The following CACNA1C variants were observed in gnomAD, a reference collection of about 807,000 sequenced individuals.
CACNA1C encodes the protein calcium voltage-gated channel subunit alpha1 C.
CACNA1C carries 30 observed loss-of-function variants against 229.0 expected under a neutral mutation model. The ratio of observed to expected loss-of-function variants is 0.13; its 90% CI spans 0.10 to 0.18. The LOEUF is 0.18. Ranked by LOEUF, CACNA1C falls within the 10% of genes least tolerant of loss-of-function variation. The pLI, the probability that CACNA1C is intolerant of heterozygous loss-of-function variation, is 1.00. For synonymous variants in CACNA1C, 1,114 were observed against 1,132.5 expected (o/e 0.98, Z 0.33); for missense variants, 1,658 against 2,845.0 (o/e 0.58, Z 9.49).
intron 3 of CACNA1C, among the ~76,000 whole-genome samples, chr12:2,361,180 AAAG>A (rs1038250160): frequency 1.3e-5 from 2 of 152,082 alleles, no homozygotes; most frequent in African/African-American, 4.8e-5. Context: ...AAAAAAAAAA[AAAG>A]CTCCAATATC....
At chr12:2,081,394 C>T (rs926439118) in intron 1 of CACNA1C, among the ~76,000 whole-genome samples, 1 of 152,114 alleles carries the variant, frequency 6.6e-6, no homozygotes, top group African/African-American at 2.4e-5. Flanking sequence ...CACAGTGAAA[C>T]CCCGTCTCTA....
chr12:2,663,602 A>C (rs1462773279), intron 34 of CACNA1C, among the ~76,000 whole-genome samples: 4 of 152,194 alleles, frequency 2.6e-5, no homozygotes, highest in Non-Finnish European at 4.4e-5. Context: ...GGTAGGGATC[A>C]AAGACGACTG....
intron 1 of CACNA1C, among the ~76,000 whole-genome samples, chr12:2,011,838 C>A (rs1011405982): frequency 6.6e-6 from 1 of 152,192 alleles, no homozygotes; most frequent in African/African-American, 2.4e-5. Context: ...CCCTTGCCAT[C>A]CTGTAGGTGG....
chr12:1,992,907 T>C, intron 1 of CACNA1C: 1 of 528,812 alleles, frequency 1.9e-6, no homozygotes, highest in South Asian at 2.9e-5. Context: ...ACTCGTTAAT[T>C]CTTCGTTCAG....
intron 26 of CACNA1C, 153 bp downstream of exon 26, chr12:2,607,283 C>T: frequency 1.4e-6 from 1 of 704,144 alleles, no homozygotes; most frequent in Non-Finnish European, 2.3e-6. Flanking sequence ...ATTTCTAGAA[C>T]TTACAGTCCA....
intron 1 of CACNA1C, among the ~76,000 whole-genome samples, chr12:2,089,822 C>T (rs896209263): frequency 5.3e-5 from 8 of 152,016 alleles, no homozygotes; most frequent in South Asian, 2.1e-4. Context: ...ATCACAAGGT[C>T]GGGAGATCGA....
chr12:2,135,860 G>A lies in CACNA1C; in HGVS notation c.477+15430G>A, dbSNP rs1163284966. Reference sequence around the variant, plus strand: ...CCAGTTCGAGCTTCCCGGCTGCTTTGTTTACCTAATCAAGCCCGGGCAATG... The same window carrying A: ...CCAGTTCGAGCTTCCCGGCTGCTTTATTTACCTAATCAAGCCCGGGCAATG... On this transcript the variant is annotated intron_variant, in intron 3 of 46. Transcript: ENST00000399655. Among the ~76,000 whole-genome samples, 8 of 147,750 alleles carry A rather than the reference G, an allele frequency of 5.4e-5. 1 individual carries two copies. Among genetic ancestry groups the A allele is most frequent in the Non-Finnish European group, 1.2e-4 (8 of 67,452 alleles).
At position 1,971,291 on chromosome 12, in the gene CACNA1C, C is replaced by T. The variant is rs1015723941; in HGVS notation, c.139+90C>T. The T allele has an allele frequency of 5.6e-6, 4 of 718,606 alleles. No individual in the cohort carries two copies. Among genetic ancestry groups the T allele is most frequent in the Non-Finnish European group, 8.1e-6 (4 of 491,892 alleles). 44.5% of individuals were successfully genotyped at this position (718,606 alleles called of 1,614,324 possible). Reference sequence around the variant, plus strand: ...AATGATACCTAGAATGTGACTTCCTCACTCTAAGAACTCATCTCTCCATAT... The same window carrying T: ...AATGATACCTAGAATGTGACTTCCTTACTCTAAGAACTCATCTCTCCATAT... On this transcript the variant is annotated intron_variant, in intron 1 of 46. Coordinates refer to the CACNA1C transcript ENST00000682462. The surrounding 1 kb of genome is among the most constrained non-coding windows in gnomAD (Gnocchi z 4.2).
In CACNA1C at chr12:2,367,820, A is replaced by G. The variant is rs184928533; in HGVS notation, c.478-81156A>G. Among the ~76,000 whole-genome samples the G allele has an allele frequency of 5.3e-5, 8 of 152,314 alleles. No individual in the cohort carries two copies. In the East Asian group the frequency reaches 1.5e-3, roughly 29 times the overall value. The stretch of plus-strand genomic sequence containing the variant: ...AAAATCTTAATTGTAACTTTCTAGA[A>G]AAATATAAATTTCAACTTTAGATAA... On this transcript the variant is annotated intron_variant, in intron 3 of 46. Coordinates refer to ENST00000399655, the MANE Select transcript of CACNA1C (RefSeq NM_000719.7).
chr12:2,162,605 C>T (rs181830249), intron 3 of CACNA1C, among the ~76,000 whole-genome samples: 25 of 152,074 alleles, frequency 1.6e-4, no homozygotes, highest in African/African-American at 4.3e-4. Flanking sequence ...GACCTAGAGA[C>T]GGGGCAGAGA....
chr12:2,556,970 A>C lies in CACNA1C; in HGVS notation c.1501A>C (p.Lys501Gln). ...TTTCAGCCACCGGATCTCCAAGTCA[A>C]AGTTCAGGTGAGTGAGACTCACGCT... ...ARLAHRISKS[K>Q]FSRYWRRWNR... The change falls in exon 11 of 47, where the codon AAG becomes CAG. Residue 501 changes from lysine to glutamine, a missense_variant. By Grantham distance (53) the Lys-to-Gln change is moderately conservative. Around this residue, in one of 20 missense-constraint regions of CACNA1C, gnomAD observed 149 missense variants for 194.2 expected, o/e 0.77. Transcript: ENST00000399655. The C allele has an allele frequency of 6.2e-7, 1 of 1,613,064 alleles. No individual in the cohort carries two copies. Among genetic ancestry groups the C allele is most frequent in the Non-Finnish European group, 8.5e-7 (1 of 1,179,084 alleles).
intron 3 of CACNA1C, among the ~76,000 whole-genome samples, chr12:2,367,591 T>G (rs2097758233): frequency 6.6e-6 from 1 of 152,144 alleles, no homozygotes; most frequent in African/African-American, 2.4e-5. Context: ...AAACAAAGTG[T>G]TGCAAAAAGG....
In CACNA1C at chr12:2,177,596, CCTT is replaced by C. The variant is rs2096698572; in HGVS notation, c.477+57168_477+57170del. On this transcript the variant is annotated intron_variant, in intron 3 of 46. Coordinates refer to ENST00000399655, the MANE Select transcript of CACNA1C (RefSeq NM_000719.7). ...CCCTCCCTCCCTCCCTCCCTTCCTTCCTTCCTTCCTTCCTTCCTTCCTTCCTTC... is the reference window on the plus strand; with the variant it reads ...CCCTCCCTCCCTCCCTCCCTTCCTTCCCTTCCTTCCTTCCTTCCTTCCTTC... Among the ~76,000 whole-genome samples, 15 of 88,630 alleles carry C rather than the reference CCTT, an allele frequency of 1.7e-4. No homozygotes were observed. The Admixed American group carries it at 1.8e-3, about 11-fold the overall frequency. The allele number at this position is 88,630 out of a possible 152,430, so 58.1% of individuals were successfully genotyped here.
intron 4 of CACNA1C, among the ~76,000 whole-genome samples, chr12:2,454,815 C>T (rs2099406795): frequency 6.6e-6 from 1 of 152,218 alleles, no homozygotes; most frequent in African/African-American, 2.4e-5. Flanking sequence ...CTTCCCCTTT[C>T]ACGTTTTCAG....
chr12:2,542,869 A>C (rs1045444070), intron 9 of CACNA1C, among the ~76,000 whole-genome samples: 5 of 152,162 alleles, frequency 3.3e-5, no homozygotes, highest in African/African-American at 1.2e-4. Flanking sequence ...ACATTAATTA[A>C]AGGATGTAAT....
chr12:2,045,656 G>A (rs2050915601), intron 1 of CACNA1C, among the ~76,000 whole-genome samples: 1 of 152,144 alleles, frequency 6.6e-6, no homozygotes, highest in Admixed American at 6.5e-5. Flanking sequence ...GAGCCTCAGT[G>A]AGAGAAAGAG....
At chr12:2,419,279 G>A (rs2154555659) in intron 3 of CACNA1C, among the ~76,000 whole-genome samples, 1 of 152,294 alleles carries the variant, frequency 6.6e-6, no homozygotes, top group Middle Eastern at 3.4e-3. Flanking sequence ...GAAGGTGAAG[G>A]GGGAGCAGGA....
At position 2,152,167 on chromosome 12, in the gene CACNA1C, G is replaced by T. The variant is rs2095312893; in HGVS notation, c.477+31737G>T. Among the ~76,000 whole-genome samples the T allele has an allele frequency of 6.6e-6, 1 of 152,202 alleles. No individual in the cohort carries two copies. Among genetic ancestry groups the T allele is most frequent in the Non-Finnish European group, 1.5e-5 (1 of 68,030 alleles). On this transcript the variant is annotated intron_variant, in intron 3 of 46. Transcript: ENST00000399655. The surrounding 1 kb of genome is among the most constrained non-coding windows in gnomAD (Gnocchi z 4.2). ...ATTATGGCATGCACATTAATGTAGG[G>T]ATTGTTCATACAAAAGAGGGCAAAG...
chr12:1,976,839 A>T (rs2034520456), intron 1 of CACNA1C, among the ~76,000 whole-genome samples: 2 of 148,174 alleles, frequency 1.3e-5, no homozygotes, highest in African/African-American at 4.9e-5. Flanking sequence ...ATATTTGAGG[A>T]AAGGGGGAGA....
Sources: allele counts gnomAD v4.1 joint callset (sites outside exome capture counted in the v4.1 genomes callset), GRCh38; gene constraint gnomAD v4.1.1; regional missense constraint gnomAD v4.1.1; non-coding constraint Gnocchi (gnomAD v3.1); transcripts MANE v1.5; gene names NCBI Gene and HGNC (gene_info 2026-07-23, HGNC 2026-07-21).